Variants in NFATC1 observed in about 807,000 individuals in gnomAD.
The protein encoded by NFATC1 is nuclear factor of activated T cells 1.
Under a neutral mutation model 76.0 loss-of-function variants are expected in NFATC1, and 22 were observed. That is an observed-to-expected ratio of 0.29 (90% confidence interval 0.21 to 0.41). NFATC1 has a LOEUF of 0.41. Ranked by LOEUF, NFATC1 falls within the 10% of genes least tolerant of loss-of-function variation. The probability of loss-of-function intolerance (pLI) is 1.00; values close to 1 mark genes in which losing one functional copy is unlikely to be tolerated. For missense variants in NFATC1, 1,357 were observed against 1,337.7 expected (o/e 1.01, Z -0.23); for synonymous variants, 704 against 613.1 (o/e 1.15, Z -2.19).
intron 7 of NFATC1, among the ~76,000 whole-genome samples, chr18:79,462,329 T>C (rs1229554893): frequency 1.3e-5 from 2 of 152,128 alleles, no homozygotes; most frequent in African/African-American, 4.8e-5. Flanking sequence ...TTTAGGTCTT[T>C]AGTTTTGTTT....
intron 2 of NFATC1, among the ~76,000 whole-genome samples, chr18:79,431,393 G>T (rs557682535): frequency 1.6e-4 from 24 of 152,222 alleles, no homozygotes; most frequent in African/African-American, 3.9e-4. Flanking sequence ...GTCTTGCCCT[G>T]TCGCCCAGGC....
At chr18:79,439,749 T>A (rs1055403996) in intron 3 of NFATC1, among the ~76,000 whole-genome samples, 3 of 152,164 alleles carry the variant, frequency 2.0e-5, no homozygotes, top group African/African-American at 7.2e-5. Flanking sequence ...TCAGCTTTTA[T>A]GATGAACGAG....
intron 8 of NFATC1, among the ~76,000 whole-genome samples, chr18:79,481,932 G>T (rs1569015399): frequency 7.1e-6 from 1 of 141,102 alleles, no homozygotes; most frequent in Non-Finnish European, 1.5e-5. Context: ...GTGTGACGTG[G>T]TCCTGGGGTG....
intron 3 of NFATC1, among the ~76,000 whole-genome samples, chr18:79,433,948 G>C (rs896603013): frequency 6.6e-6 from 1 of 152,194 alleles, no homozygotes; most frequent in African/African-American, 2.4e-5. Context: ...GCCCTCTCTC[G>C]TTGTTTTCAG....
chr18:79,521,546 T>TG (rs1303013500), intron 9 of NFATC1, among the ~76,000 whole-genome samples: 1 of 55,442 alleles, frequency 1.8e-5, no homozygotes, highest in Non-Finnish European at 3.3e-5. Flanking sequence ...TGTATGTGTG[T>TG]GTGGGGGGGC....
intron 9 of NFATC1, among the ~76,000 whole-genome samples, chr18:79,487,888 C>T (rs1314459532): frequency 2.0e-5 from 3 of 152,186 alleles, no homozygotes; most frequent in African/African-American, 7.2e-5. Context: ...GTTTTCTGCT[C>T]GAATGGTTTG....
At chr18:79,397,654 T>G (rs1277853203) in intron 1 of NFATC1, among the ~76,000 whole-genome samples, 1 of 152,250 alleles carries the variant, frequency 6.6e-6, no homozygotes, top group East Asian at 1.9e-4. Flanking sequence ...TTTTTTTTTG[T>G]TGGAGTTTCG....
intron 8 of NFATC1, among the ~76,000 whole-genome samples, chr18:79,482,928 G>C (rs1409707072): frequency 3.8e-5 from 5 of 130,670 alleles, no homozygotes; most frequent in African/African-American, 1.5e-4. Flanking sequence ...TCACTCCAGC[G>C]TGACCTCGTT....
rs1252156056 is a variant in NFATC1, at chr18:79,514,506, C to T, written c.2783-13022C>T. On this transcript the variant is annotated intron_variant, in intron 9 of 9. Coordinates refer to ENST00000427363, the MANE Select transcript of NFATC1 (RefSeq NM_001278669.2). ...GCATAAGCCTGGGAGATCAAGGCTG[C>T]AGTGAGCTGTGATCGAACCACTGCA... Among the ~76,000 whole-genome samples the T allele has an allele frequency of 2.9e-5, 4 of 139,034 alleles. No individual in the cohort carries two copies. In the Admixed American group the frequency reaches 3.2e-4, roughly 11 times the overall value. 91.2% of individuals were successfully genotyped at this position (139,034 alleles called of 152,430 possible).
At position 79,396,153 on chromosome 18, in the gene NFATC1, C is replaced by A; in HGVS notation, c.-72C>A. ...GAGGGCTGTCTTCCCGGAGACCCGA[C>A]CCCGGCAGCGCGGGGCGGCCGCTTC... On this transcript the variant is annotated 5_prime_UTR_variant, in exon 1 of 10. Coordinates refer to ENST00000427363, the MANE Select transcript of NFATC1 (RefSeq NM_001278669.2). The A allele has an allele frequency of 7.4e-7, 1 of 1,353,204 alleles. No individual in the cohort carries two copies. The highest frequency in any genetic ancestry group is 3.6e-5 in the East Asian group (1 of 28,034). The allele number at this position is 1,353,204 out of a possible 1,614,324, so 83.8% of individuals were successfully genotyped here.
chr18:79,484,101 G>A (rs2089425241), intron 8 of NFATC1, among the ~76,000 whole-genome samples: 2 of 151,670 alleles, frequency 1.3e-5, no homozygotes, highest in Non-Finnish European at 3.0e-5. Context: ...GCACTTGCAG[G>A]GTGGGGTGGC....
At chr18:79,437,666 G>A (rs1258603410) in intron 3 of NFATC1, among the ~76,000 whole-genome samples, 2 of 152,174 alleles carry the variant, frequency 1.3e-5, no homozygotes, top group Admixed American at 6.5e-5. Context: ...GTGGCACCTC[G>A]GGCAGCCGCC....
At chr18:79,502,641 C>G (rs1452594111) in intron 9 of NFATC1, among the ~76,000 whole-genome samples, 1 of 152,072 alleles carries the variant, frequency 6.6e-6, no homozygotes, top group Non-Finnish European at 1.5e-5. Context: ...AGACAGAAAG[C>G]CTAATCAAAA....
chr18:79,429,568 C>T (rs2086518436), intron 2 of NFATC1, among the ~76,000 whole-genome samples: 1 of 152,130 alleles, frequency 6.6e-6, no homozygotes, highest in African/African-American at 2.4e-5. Flanking sequence ...GGCGTCGTCC[C>T]CCAGAAGGAA....
intron 2 of NFATC1, among the ~76,000 whole-genome samples, chr18:79,424,951 CTG>C (rs1458045901): frequency 6.7e-6 from 1 of 149,482 alleles, no homozygotes; most frequent in Non-Finnish European, 1.5e-5. Flanking sequence ...CTCTGCCTCT[CTG>C]TGTCTGTCTC....
chr18:79,427,701 GT>G (rs2086422189), intron 2 of NFATC1, among the ~76,000 whole-genome samples: 1 of 102,242 alleles, frequency 9.8e-6, no homozygotes, highest in Admixed American at 1.0e-4. Context: ...CCTCTGTGCA[GT>G]GGGTGGGGTT....
rs1158499026 is a variant in NFATC1, at chr18:79,528,919, T to C, written c.*1342T>C. On this transcript the variant is annotated 3_prime_UTR_variant, in exon 10 of 10. Transcript: ENST00000427363. ...GCATGGTTTATTCATTGAAACACGGTTGACCTGAACTCGTGCCTTAGGAAT... is the reference window on the plus strand; with the variant it reads ...GCATGGTTTATTCATTGAAACACGGCTGACCTGAACTCGTGCCTTAGGAAT... 6.6e-6 allele frequency: 1 copy of C among 152,652 alleles called. No homozygotes were observed. Among genetic ancestry groups the C allele is most frequent in the Non-Finnish European group, 1.5e-5 (1 of 68,044 alleles). 9.5% of individuals were successfully genotyped at this position (152,652 alleles called of 1,614,324 possible).
chr18:79,522,508 TG>T (rs573336727), intron 9 of NFATC1, among the ~76,000 whole-genome samples: 260 of 73,414 alleles, frequency 3.5e-3, no homozygotes, highest in African/African-American at 0.013. Context: ...GTGTTTTGTG[TG>T]GGGGGGGTGC....
chr18:79,521,149 TGTAGGG>T (rs1170234769), intron 9 of NFATC1, among the ~76,000 whole-genome samples: 9 of 54,420 alleles, frequency 1.7e-4, no homozygotes, highest in South Asian at 8.1e-4. Flanking sequence ...TGTGTGTGTG[TGTAGGG>T]GGGGAGCATC....
Sources: allele counts gnomAD v4.1 joint callset (sites outside exome capture counted in the v4.1 genomes callset), GRCh38; gene constraint gnomAD v4.1.1; transcripts MANE v1.5; gene names NCBI Gene and HGNC (gene_info 2026-07-23, HGNC 2026-07-21).